SHB: variants seen among roughly 807,000 people sequenced by gnomAD.
SHB encodes the protein SH2 domain containing adaptor protein B.
A neutral mutation model predicts 52.3 loss-of-function variants in SHB; 20 were observed. The ratio of observed to expected loss-of-function variants is 0.38; its 90% CI spans 0.27 to 0.56. The LOEUF is 0.56. Among genes scored for constraint, SHB ranks in the 20% least tolerant of loss-of-function variants. The pLI is 0.71. For synonymous variants in SHB, 397 were observed against 316.5 expected (o/e 1.25, Z -2.70); for missense variants, 825 against 723.3 (o/e 1.14, Z -1.61).
At chr9:37,976,987 C>T (rs1413501417) in intron 2 of SHB, among the ~76,000 whole-genome samples, 1 of 152,206 alleles carries the variant, frequency 6.6e-6, no homozygotes, top group African/African-American at 2.4e-5. Flanking sequence ...TGCCTGTGAT[C>T]ATTAGTGTTT....
intron 1 of SHB, among the ~76,000 whole-genome samples, chr9:38,032,450 G>T (rs1329046617): frequency 6.6e-6 from 1 of 152,214 alleles, no homozygotes. Flanking sequence ...CTGAAGGGAA[G>T]TTTGACAGGA....
chr9:38,030,366 G>C (rs1821398440), intron 1 of SHB, among the ~76,000 whole-genome samples: 1 of 152,142 alleles, frequency 6.6e-6, no homozygotes, highest in African/African-American at 2.4e-5. Flanking sequence ...CTTTCCTCCA[G>C]GTATATAAGA....
chr9:38,063,338 C>T (rs1453100915), intron 1 of SHB, among the ~76,000 whole-genome samples: 1 of 152,214 alleles, frequency 6.6e-6, no homozygotes, highest in Non-Finnish European at 1.5e-5. Flanking sequence ...TTCACAACTC[C>T]GCAGCAAGGC....
In SHB at chr9:37,956,032, C is replaced by T. The variant is rs1832628158; in HGVS notation, c.1077G>A (p.Lys359=). The change falls in exon 4 of 6, where the codon AAG becomes AAA. Residue 359 remains lysine (K), a synonymous_variant. Transcript: ENST00000377707. ...ALAAQFNGNE[K]RQSSPSPSRD... is the part of the protein sequence containing the mutation. Reference sequence around the variant, plus strand: ...GCGAAGGTGAGGGGGATGACTGCCGCTTCTCGTTGCCATTAAACTGTGCTG... The same window carrying T: ...GCGAAGGTGAGGGGGATGACTGCCGTTTCTCGTTGCCATTAAACTGTGCTG... 3 of 1,568,632 alleles carry T rather than the reference C, an allele frequency of 1.9e-6. No individual in the cohort carries two copies. Among genetic ancestry groups the T allele is most frequent in the Non-Finnish European group, 2.6e-6 (3 of 1,156,298 alleles).
At chr9:37,931,261 A>T (rs1013092782) in intron 5 of SHB, among the ~76,000 whole-genome samples, 1 of 152,230 alleles carries the variant, frequency 6.6e-6, no homozygotes, top group Non-Finnish European at 1.5e-5. Flanking sequence ...ACTACATCCA[A>T]GCTCCTGCAC....
At chr9:37,976,421 T>A (rs1432913651) in intron 2 of SHB, among the ~76,000 whole-genome samples, 2 of 152,142 alleles carry the variant, frequency 1.3e-5, no homozygotes, top group African/African-American at 4.8e-5. Flanking sequence ...GCACCATCCA[T>A]CTCTAGAACT....
At chr9:38,041,579 G>T (rs1037154417) in intron 1 of SHB, among the ~76,000 whole-genome samples, 1 of 152,096 alleles carries the variant, frequency 6.6e-6, no homozygotes, top group African/African-American at 2.4e-5. Context: ...CGGTGAGTTC[G>T]GGGAAGAAAA....
At chr9:37,979,620 GA>G (rs111982445) in intron 2 of SHB, among the ~76,000 whole-genome samples, 34 of 135,150 alleles carry the variant, frequency 2.5e-4, no homozygotes, top group East Asian at 6.6e-4. Context: ...GTGCCTCCCT[GA>G]AAAAAAAAAA....
At chr9:38,057,620 A>G (rs1045394960) in intron 1 of SHB, among the ~76,000 whole-genome samples, 1 of 152,196 alleles carries the variant, frequency 6.6e-6, no homozygotes, top group Non-Finnish European at 1.5e-5. Context: ...CCCCGATCAC[A>G]TGTGTGGCTT....
At chr9:38,051,970 GA>G (rs1469150560) in intron 1 of SHB, among the ~76,000 whole-genome samples, 1 of 152,184 alleles carries the variant, frequency 6.6e-6, no homozygotes, top group East Asian at 1.9e-4. Context: ...GTCCTCTGAA[GA>G]TCAGCATCCC....
At chr9:38,033,581 G>A (rs1821444730) in intron 1 of SHB, among the ~76,000 whole-genome samples, 1 of 152,222 alleles carries the variant, frequency 6.6e-6, no homozygotes, top group African/African-American at 2.4e-5. Context: ...GGAAGGGCTT[G>A]GAGAGGGTCC....
At chr9:38,045,547 G>C (rs185923846) in intron 1 of SHB, among the ~76,000 whole-genome samples, 4 of 152,106 alleles carry the variant, frequency 2.6e-5, no homozygotes. Context: ...GGAGGTAGAG[G>C]TCGCAGTGAG....
intron 1 of SHB, among the ~76,000 whole-genome samples, chr9:38,047,843 C>T (rs991115725): frequency 5.3e-5 from 8 of 152,232 alleles, no homozygotes; most frequent in African/African-American, 1.9e-4. Flanking sequence ...ATGCAGTTCC[C>T]GCACAGGTCC....
Position 37,984,289 on chromosome 9 carries a change from G to A in SHB, c.839-9452C>T, listed in dbSNP as rs1037940832. 3.9e-5 allele frequency among the ~76,000 whole-genome samples: 6 copies of A among 152,146 alleles called. 1 individual carries two copies. The South Asian group carries it at 8.3e-4, about 21-fold the overall frequency. On this transcript the variant is annotated intron_variant, in intron 2 of 5. Transcript: ENST00000377707. ...CACAGGCCAAAAATGCACTGGGAAC[G>A]GGAGGGTCCCAATACCAACCTTTGA...
chr9:38,024,009 A>C (rs1821311958), intron 1 of SHB, among the ~76,000 whole-genome samples: 1 of 152,256 alleles, frequency 6.6e-6, no homozygotes, highest in Non-Finnish European at 1.5e-5. Flanking sequence ...AATTAGCTAC[A>C]TTCATGCACT....
chr9:38,044,516 C>T (rs1294274330), intron 1 of SHB, among the ~76,000 whole-genome samples: 1 of 152,166 alleles, frequency 6.6e-6, no homozygotes. Context: ...TAAAAGCTCT[C>T]CATAGAGGAG....
chr9:38,067,498 A>G (rs1821985768), intron 1 of SHB, among the ~76,000 whole-genome samples: 1 of 152,150 alleles, frequency 6.6e-6, no homozygotes, highest in African/African-American at 2.4e-5. Flanking sequence ...AAGCTGTGTA[A>G]TATTGGGCGA....
chr9:38,041,867 T>C (rs1821583137), intron 1 of SHB, among the ~76,000 whole-genome samples: 1 of 152,226 alleles, frequency 6.6e-6, no homozygotes, highest in Admixed American at 6.5e-5. Context: ...AAGTCGGCTC[T>C]CAAACATACT....
chr9:38,035,262 A>G (rs1016567508), intron 1 of SHB, among the ~76,000 whole-genome samples: 1 of 151,914 alleles, frequency 6.6e-6, no homozygotes, highest in African/African-American at 2.4e-5. Context: ...GATCAGACAG[A>G]GCTATTCAAA....
Sources: allele counts gnomAD v4.1 joint callset (sites outside exome capture counted in the v4.1 genomes callset), GRCh38; gene constraint gnomAD v4.1.1; transcripts MANE v1.5; gene names NCBI Gene and HGNC (gene_info 2026-07-23, HGNC 2026-07-21).